Variants in UTRN observed in about 807,000 individuals in gnomAD.
UTRN encodes utrophin.
A neutral mutation model predicts 463.9 loss-of-function variants in UTRN; 283 were observed. That is an observed-to-expected ratio of 0.61 (90% CI 0.55 to 0.67). UTRN has a LOEUF of 0.67. UTRN is among the 30% of genes least tolerant of loss of function. The probability of loss-of-function intolerance (pLI) is 0.00; values close to 1 mark genes in which losing one functional copy is unlikely to be tolerated. For synonymous variants in UTRN, 1,442 were observed against 1,431.5 expected, an observed-to-expected ratio of 1.01 and a Z score of -0.17; for missense variants, 3,922 against 4,084.3, an observed-to-expected ratio of 0.96 and a Z score of 1.08.
intron 63 of UTRN, 33 bp from the exon 64 acceptor site, chr6:144,797,791 T>C (rs1274880964): frequency 1.2e-6 from 2 of 1,600,070 alleles, no homozygotes; most frequent in Non-Finnish European, 1.7e-6. Flanking sequence ...TGAAGGCATT[T>C]CTTCACTTTT....
intron 38 of UTRN, 85 bp downstream of exon 38, chr6:144,516,472 A>G (rs900541226): frequency 4.0e-5 from 56 of 1,408,418 alleles, no homozygotes; most frequent in Non-Finnish European, 5.4e-5. Context: ...GTTTGCCCAT[A>G]TAATCTGTCA....
At position 144,748,003 on chromosome 6, in the gene UTRN, G is replaced by A. The variant is rs373968447; in HGVS notation, c.7940-243G>A. Among the ~76,000 whole-genome samples, 26 of 152,192 alleles carry A rather than the reference G, an allele frequency of 1.7e-4. No homozygotes were observed. The East Asian group carries it at 1.9e-3, about 11-fold the overall frequency. On this transcript the variant is annotated intron_variant, in intron 54 of 74. Transcript: ENST00000367545. ...AGAAATATATTAAAGTTCAAAAACC[G>A]GGTCAATTTATTAATCTCAGTAACT...
intron 73 of UTRN, among the ~76,000 whole-genome samples, chr6:144,845,270 A>G (rs182051991): frequency 1.3e-5 from 2 of 152,374 alleles, no homozygotes; most frequent in African/African-American, 2.4e-5. Context: ...GACTGCAGTA[A>G]CTATTTTTAT....
At chr6:144,594,338 T>A (rs137968875) in intron 51 of UTRN, among the ~76,000 whole-genome samples, 1 of 152,222 alleles carries the variant, frequency 6.6e-6, no homozygotes. Flanking sequence ...AGGAGATTAC[T>A]GTAGTATCTT....
At chr6:144,665,802 A>T (rs566317474) in intron 51 of UTRN, among the ~76,000 whole-genome samples, 5 of 151,918 alleles carry the variant, frequency 3.3e-5, no homozygotes, top group African/African-American at 1.2e-4. Flanking sequence ...TATTTTTCTA[A>T]CTCCTGGCTT....
At chr6:144,693,731 CATTG>C (rs1354434695) in intron 52 of UTRN, among the ~76,000 whole-genome samples, 1 of 151,376 alleles carries the variant, frequency 6.6e-6, no homozygotes, top group East Asian at 1.9e-4. Flanking sequence ...GATTTTTGCA[CATTG>C]ATTTTTTTTA....
chr6:144,674,530 A>G (rs1055370334), intron 51 of UTRN, among the ~76,000 whole-genome samples: 1 of 151,532 alleles, frequency 6.6e-6, no homozygotes, highest in African/African-American at 2.4e-5. Context: ...TTCTCTAAAG[A>G]CTTTTTCATC....
chr6:144,788,801 G>C (rs1325583589), intron 61 of UTRN, among the ~76,000 whole-genome samples: 2 of 152,200 alleles, frequency 1.3e-5, no homozygotes, highest in Non-Finnish European at 2.9e-5. Context: ...GACCTCAGGT[G>C]ATCCGCCTGC....
At chr6:144,379,708 A>C (rs1780746748) in intron 2 of UTRN, among the ~76,000 whole-genome samples, 1 of 152,256 alleles carries the variant, frequency 6.6e-6, no homozygotes, top group South Asian at 2.1e-4. Flanking sequence ...TTGAATAGAC[A>C]GCCACCAAAT....
chr6:144,643,348 G>A (rs1381146289), intron 51 of UTRN, among the ~76,000 whole-genome samples: 2 of 152,202 alleles, frequency 1.3e-5, no homozygotes, highest in Non-Finnish European at 2.9e-5. Flanking sequence ...GAGACTGTAA[G>A]TATCCAAAGT....
At chr6:144,548,475 T>G (rs1798610398) in intron 46 of UTRN, among the ~76,000 whole-genome samples, 165 bp from the exon 47 acceptor site, 1 of 152,192 alleles carries the variant, frequency 6.6e-6, no homozygotes, top group Non-Finnish European at 1.5e-5. Context: ...CATATGGATA[T>G]TACAGGTAAT....
chr6:144,351,386 C>T (rs546101796), intron 2 of UTRN, among the ~76,000 whole-genome samples: 3 of 152,246 alleles, frequency 2.0e-5, no homozygotes, highest in South Asian at 2.1e-4. Flanking sequence ...AATTTAGATT[C>T]GTTAGTGATT....
intron 64 of UTRN, among the ~76,000 whole-genome samples, chr6:144,802,590 C>T (rs1362369337): frequency 1.3e-5 from 2 of 152,158 alleles, no homozygotes; most frequent in African/African-American, 4.8e-5. Flanking sequence ...AACACCATTT[C>T]CATTCAAGGA....
intron 52 of UTRN, among the ~76,000 whole-genome samples, chr6:144,690,682 C>A (rs1783308799): frequency 6.6e-6 from 1 of 152,180 alleles, no homozygotes; most frequent in Admixed American, 6.5e-5. Flanking sequence ...CTTCATCCCT[C>A]TGGAGACTGG....
At chr6:144,788,718 C>T (rs1314768761) in intron 61 of UTRN, among the ~76,000 whole-genome samples, 1 of 152,094 alleles carries the variant, frequency 6.6e-6, no homozygotes, top group Non-Finnish European at 1.5e-5. Context: ...GCATGCGCCA[C>T]CCGCCTGGCT....
chr6:144,835,678 G>T (rs956638952), intron 69 of UTRN, 102 bp from the exon 70 acceptor site: 2 of 1,501,310 alleles, frequency 1.3e-6, no homozygotes, highest in Non-Finnish European at 1.8e-6. Flanking sequence ...GACAAACTTG[G>T]CCCAGCCACT....
intron 19 of UTRN, among the ~76,000 whole-genome samples, chr6:144,457,784 T>C (rs1200026194): frequency 1.3e-5 from 2 of 152,240 alleles, no homozygotes; most frequent in African/African-American, 2.4e-5. Context: ...CTTTTTGTTT[T>C]TATGCCTTTG....
chr6:144,699,878 A>G (rs1784408196), intron 52 of UTRN, among the ~76,000 whole-genome samples: 1 of 148,384 alleles, frequency 6.7e-6, no homozygotes, highest in South Asian at 2.1e-4. Context: ...TAATATATGT[A>G]TTGTATATAT....
intron 2 of UTRN, among the ~76,000 whole-genome samples, chr6:144,304,320 G>A (rs4358641): frequency 0.079 from 12,013 of 152,036 alleles, 1,553 homozygotes; most frequent in African/African-American, 0.27. Flanking sequence ...TGCTTTGGCC[G>A]GTAAGAGACT....
Sources: allele counts gnomAD v4.1 joint callset (sites outside exome capture counted in the v4.1 genomes callset), GRCh38; gene constraint gnomAD v4.1.1; transcripts MANE v1.5; gene names NCBI Gene and HGNC (gene_info 2026-07-23, HGNC 2026-07-21).